Variants in TATDN1 observed in about 807,000 individuals in gnomAD.
The protein encoded by TATDN1 is TatD DNase domain containing 1, also known as deoxyribonuclease TATDN1.
In TATDN1, 40 loss-of-function variants were observed where a neutral mutation model predicts 46.4. That is an observed-to-expected ratio of 0.86 (90% CI 0.67 to 1.12). The LOEUF (loss-of-function observed/expected upper bound fraction) is 1.12. Ranked by LOEUF, TATDN1 falls within the 50% of genes most tolerant of loss-of-function variation. The pLI is 0.00. For missense variants in TATDN1, 326 were observed against 348.4 expected, an observed-to-expected ratio of 0.94 and a Z score of 0.51; for synonymous variants, 95 against 105.6, an observed-to-expected ratio of 0.90 and a Z score of 0.62.
At chr8:124,531,282 C>T (rs1248036486) in intron 1 of TATDN1, among the ~76,000 whole-genome samples, 1 of 152,134 alleles carries the variant, frequency 6.6e-6, no homozygotes. Flanking sequence ...GGAGAGCTGA[C>T]ATTTACTGGT....
At chr8:124,497,845 T>A (rs376309558) in intron 9 of TATDN1, among the ~76,000 whole-genome samples, 1 of 151,698 alleles carries the variant, frequency 6.6e-6, no homozygotes, top group African/African-American at 2.4e-5. Context: ...AAATTCTCTA[T>A]GTCTACTACT....
At position 124,522,188 on chromosome 8, in the gene TATDN1, T is replaced by A. The variant is rs772084286; in HGVS notation, c.101A>T (p.Asp34Val). The change falls in exon 3 of 12, where the codon GAT becomes GTT. Residue 34 changes from aspartate to valine, a missense_variant. Transcript: ENST00000276692. ...AATCTCGACAGCTCTCCCTATTACA[T>A]CCTGTAAGTCATCTGTAAAAGATAA... ...GVQKHQDDLQDVIGRAVEIGV... is the reference protein window; with the variant it reads ...GVQKHQDDLQVVIGRAVEIGV... 3.1e-6 allele frequency: 5 copies of A among 1,594,332 alleles called. No individual in the cohort carries two copies. The highest frequency in any genetic ancestry group is 1.1e-5 in the South Asian group (1 of 87,492).
At chr8:124,526,491 G>A (rs556181651) in intron 1 of TATDN1, among the ~76,000 whole-genome samples, 1 of 152,176 alleles carries the variant, frequency 6.6e-6, no homozygotes, top group Non-Finnish European at 1.5e-5. Flanking sequence ...TAAGAGATAC[G>A]GGTGGGAGGG....
At position 124,516,573 on chromosome 8, in the gene TATDN1, T is replaced by G. The variant is rs1296394230; in HGVS notation, c.203-543A>C. On this transcript the variant is annotated intron_variant, in intron 4 of 11. Transcript: ENST00000276692. ...GATCCACCTGCCTGGCCTCCCAAAG[T>G]GCTGGGATTACAGGCCTGAGCCACC... Among the ~76,000 whole-genome samples, 22 of 152,264 alleles carry G rather than the reference T, an allele frequency of 1.4e-4. No individual in the cohort carries two copies. In the East Asian group the frequency reaches 4.0e-3, roughly 28 times the overall value.
chr8:124,502,821 T>C, intron 9 of TATDN1, among the ~76,000 whole-genome samples: 1 of 152,142 alleles, frequency 6.6e-6, no homozygotes, highest in East Asian at 1.9e-4. Context: ...CCTGGGCACA[T>C]AGCAAGACCC....
At chr8:124,492,686 G>A (rs1361863372) in intron 11 of TATDN1, among the ~76,000 whole-genome samples, 6 of 149,334 alleles carry the variant, frequency 4.0e-5, no homozygotes, top group Non-Finnish European at 7.4e-5. Flanking sequence ...CCCAGGAGGC[G>A]GAGATTGCAG....
chr8:124,511,891 C>T (rs1311221891), intron 6 of TATDN1, among the ~76,000 whole-genome samples: 2 of 152,152 alleles, frequency 1.3e-5, no homozygotes, highest in Non-Finnish European at 2.9e-5. Flanking sequence ...AGGCAGCAAT[C>T]TCCCCATTTT....
chr8:124,519,434 G>C (rs1202805373), intron 3 of TATDN1, among the ~76,000 whole-genome samples: 2 of 152,108 alleles, frequency 1.3e-5, no homozygotes, highest in East Asian at 3.8e-4. Flanking sequence ...AATTCAGCAG[G>C]CTTCTAGTAA....
intron 8 of TATDN1, among the ~76,000 whole-genome samples, chr8:124,505,123 G>A (rs935170272): frequency 1.3e-5 from 2 of 150,952 alleles, no homozygotes; most frequent in Admixed American, 6.6e-5. Context: ...AATGGCTCAC[G>A]CCTGTAACCC....
At chr8:124,502,728 C>G (rs183946497) in intron 9 of TATDN1, among the ~76,000 whole-genome samples, 3 of 152,322 alleles carry the variant, frequency 2.0e-5, no homozygotes, top group African/African-American at 7.2e-5. Flanking sequence ...CTTAACATTT[C>G]TTTTCTTGTA....
intron 9 of TATDN1, among the ~76,000 whole-genome samples, chr8:124,497,285 CTTCTT>C (rs1563647066): frequency 7.5e-5 from 11 of 147,018 alleles, no homozygotes; most frequent in Non-Finnish European, 1.5e-4. Context: ...CTTCTTTCTT[CTTCTT>C]TTTTTTTTTT....
chr8:124,523,026 T>A (rs752464367), intron 1 of TATDN1, 24 bp from the exon 2 acceptor site: 2 of 1,598,652 alleles, frequency 1.3e-6, no homozygotes, highest in African/African-American at 2.7e-5. Context: ...AAGTCACTGA[T>A]TAATTATTGA....
chr8:124,502,272 C>T lies in TATDN1; in HGVS notation c.593+1999G>A, dbSNP rs868457424. On this transcript the variant is annotated intron_variant, in intron 9 of 11. Coordinates refer to ENST00000276692, the MANE Select transcript of TATDN1 (RefSeq NM_032026.4). Reference sequence around the variant, plus strand: ...AGGAGAATGGCGTGAACCCGGGAGGCGGAGCCTGCAGTGAGCCAAGATCGC... The same window carrying T: ...AGGAGAATGGCGTGAACCCGGGAGGTGGAGCCTGCAGTGAGCCAAGATCGC... Among the ~76,000 whole-genome samples the T allele has an allele frequency of 2.8e-3, 422 of 149,400 alleles. 1 individual carries two copies. Among genetic ancestry groups the T allele is most frequent in the African/African-American group, 9.9e-3 (399 of 40,484 alleles).
intron 1 of TATDN1, among the ~76,000 whole-genome samples, chr8:124,536,441 G>A (rs1821433734): frequency 6.6e-6 from 1 of 152,264 alleles, no homozygotes; most frequent in Non-Finnish European, 1.5e-5. Flanking sequence ...CAGCTACTTG[G>A]GAGGATGAGG....
Position 124,497,355 on chromosome 8 carries a change from G to A in TATDN1, c.594-1813C>T, listed in dbSNP as rs150064754. Reference sequence around the variant, plus strand: ...GGCTGGAGTGCGTTGGCAAAATCCCGGCGAGCTGCAACATCCACCTCCCAG... The same window carrying A: ...GGCTGGAGTGCGTTGGCAAAATCCCAGCGAGCTGCAACATCCACCTCCCAG... On this transcript the variant is annotated intron_variant, in intron 9 of 11. Transcript: ENST00000276692. Among the ~76,000 whole-genome samples, 169 of 150,042 alleles carry A rather than the reference G, an allele frequency of 1.1e-3. 1 individual carries two copies. The highest frequency in any genetic ancestry group is 3.7e-3 in the African/African-American group (151 of 40,526).
chr8:124,518,952 C>T (rs1381543796), intron 3 of TATDN1, 71 bp from the exon 4 acceptor site: 10 of 933,324 alleles, frequency 1.1e-5, no homozygotes, highest in Non-Finnish European at 1.7e-5. Context: ...AACATGCCTT[C>T]CTACCACTTC....
At chr8:124,534,345 G>C (rs776405581) in intron 1 of TATDN1, among the ~76,000 whole-genome samples, 2 of 152,014 alleles carry the variant, frequency 1.3e-5, no homozygotes, top group Non-Finnish European at 2.9e-5. Flanking sequence ...TTCAGTGACC[G>C]TAAGTTTTAC....
intron 9 of TATDN1, among the ~76,000 whole-genome samples, chr8:124,502,338 C>A (rs1229028963): frequency 1.5e-5 from 2 of 135,732 alleles, no homozygotes; most frequent in Non-Finnish European, 3.1e-5. Flanking sequence ...GAGAGTCCCT[C>A]TCAAAAAAAA....
chr8:124,520,328 T>C (rs1450101943), intron 3 of TATDN1, among the ~76,000 whole-genome samples: 3 of 151,742 alleles, frequency 2.0e-5, no homozygotes, highest in African/African-American at 4.8e-5. Context: ...TCCCAGCTAC[T>C]TGGGAGGCTG....
Sources: allele counts gnomAD v4.1 joint callset (sites outside exome capture counted in the v4.1 genomes callset), GRCh38; gene constraint gnomAD v4.1.1; transcripts MANE v1.5; gene names NCBI Gene and HGNC (gene_info 2026-07-23, HGNC 2026-07-21).